Variants in TTI1 observed in about 807,000 individuals in gnomAD.
TTI1 encodes TELO2-interacting protein 1 homolog.
A neutral mutation model predicts 85.4 loss-of-function variants in TTI1; 52 were observed. The observed-to-expected ratio is 0.61, with a 90% CI of 0.49 to 0.77. The LOEUF (loss-of-function observed/expected upper bound fraction) is 0.77. Ranked by LOEUF, TTI1 falls within the 30% of genes least tolerant of loss-of-function variation. TTI1 has a pLI of 0.00. For synonymous variants in TTI1, 512 were observed against 503.9 expected (o/e 1.02, Z -0.22); for missense variants, 1,173 against 1,296.0 (o/e 0.91, Z 1.46).
Position 37,983,497 on chromosome 20 carries a change from A to C in TTI1, c.3229T>G (p.Tyr1077Asp). ...LHGASGQQNP[Y>D]TTNVLQLLKE... ...AGCAGCTGGAGCACGTTGGTCGTGT[A>C]GGGGTTCTGCTGCCCGCTGGCCCCG... The change falls in exon 8 of 8, where the codon TAC becomes GAC. Residue 1077 changes from tyrosine (Y) to aspartate (D), a missense_variant. Transcript: ENST00000373447. The C allele has an allele frequency of 6.2e-7, 1 of 1,611,900 alleles. No homozygotes were observed. Among genetic ancestry groups the C allele is most frequent in the Non-Finnish European group, 8.5e-7 (1 of 1,179,770 alleles).
rs1370914634 is a variant in TTI1, at chr20:38,013,275, A to G, written c.542T>C (p.Leu181Pro). ...GTCCTGACAATCACACTGCAAGAGTAGAACCTGTAAACATTTTAAGGCAGC... is the reference window on the plus strand; with the variant it reads ...GTCCTGACAATCACACTGCAAGAGTGGAACCTGTAAACATTTTAAGGCAGC... ...KIAALKCLQV[L>P]LLQCDCQDHP... The change falls in exon 2 of 8, where the codon CTA becomes CCA. Residue 181 changes from leucine to proline, a missense_variant. By Grantham distance (98) the Leu-to-Pro change is moderately conservative. Coordinates refer to ENST00000373447, the MANE Select transcript of TTI1 (RefSeq NM_001303457.2). 1.2e-6 allele frequency: 2 copies of G among 1,614,104 alleles called. No homozygotes were observed. The highest frequency in any genetic ancestry group is 1.1e-5 in the South Asian group (1 of 91,090).
At chr20:38,018,152 T>G (rs2073711146) in intron 1 of TTI1, among the ~76,000 whole-genome samples, 1 of 152,176 alleles carries the variant, frequency 6.6e-6, no homozygotes, top group Non-Finnish European at 1.5e-5. Context: ...GAAGCAGACC[T>G]ATGGATGGCC....
At chr20:38,014,218 G>C (rs2073648436) in intron 1 of TTI1, among the ~76,000 whole-genome samples, 1 of 152,168 alleles carries the variant, frequency 6.6e-6, no homozygotes. Flanking sequence ...CAGGAGTTTG[G>C]ATTTAAACCT....
At chr20:38,025,395 C>T (rs1406897494) in intron 1 of TTI1, among the ~76,000 whole-genome samples, 2 of 151,876 alleles carry the variant, frequency 1.3e-5, no homozygotes, top group South Asian at 2.1e-4. Context: ...ATGGTGAAAC[C>T]GTATCTCCAC....
chr20:38,000,192 T>C (rs999762226), intron 4 of TTI1, among the ~76,000 whole-genome samples: 2 of 152,138 alleles, frequency 1.3e-5, no homozygotes, highest in Admixed American at 1.3e-4. Context: ...GGGTAGCAAC[T>C]GAAGAGATGC....
rs1449093256 is a variant in TTI1 at position 37,983,444 on chromosome 20, G to A, written c.*12C>T. The stretch of plus-strand genomic sequence containing the variant: ...GGGAGGGATCGGTGGCCTCTGTGGT[G>A]GGGGAGCAGGGTCACTGCAGCTCCT... On this transcript the variant is annotated 3_prime_UTR_variant, in exon 8 of 8. Transcript: ENST00000373447. The A allele has an allele frequency of 1.9e-6, 3 of 1,607,744 alleles. No homozygotes were observed. In the Admixed American group the frequency reaches 5.0e-5, roughly 27 times the overall value.
At chr20:37,984,176 C>T (rs1011813586) in intron 7 of TTI1, among the ~76,000 whole-genome samples, 11 of 152,330 alleles carry the variant, frequency 7.2e-5, no homozygotes, top group Non-Finnish European at 1.5e-4. Context: ...GTGGTGTGAA[C>T]AGACACTCAT....
chr20:37,992,264 G>A lies in TTI1; in HGVS notation c.3086+4111C>T, dbSNP rs567028301. Among the ~76,000 whole-genome samples the A allele has an allele frequency of 2.6e-4, 39 of 152,190 alleles. 1 individual carries two copies. In the South Asian group the frequency reaches 7.9e-3, roughly 31 times the overall value. On this transcript the variant is annotated intron_variant, in intron 7 of 7. Transcript: ENST00000373447. Reference sequence around the variant, plus strand: ...ATTTTTCTATTATGAGACTTGTTGGGCACTGACTTCATCTTCTTCTTTTTT... The same window carrying A: ...ATTTTTCTATTATGAGACTTGTTGGACACTGACTTCATCTTCTTCTTTTTT...
rs1183248216 is a variant in TTI1 at position 38,013,463 on chromosome 20, C to G, written c.354G>C (p.Glu118Asp). 1 of 1,614,056 alleles carries G rather than the reference C, an allele frequency of 6.2e-7. No homozygotes were observed. Among genetic ancestry groups the G allele is most frequent in the Admixed American group, 1.7e-5 (1 of 60,030 alleles). The part of the protein sequence containing the change: ...SSQKPAAVSE[E>D]LKLAVIQGLS... ...GTCCCTGGATCACAGCCAATTTCAA[C>G]TCCTCGGACACAGCCGCAGGTTTTT... The change falls in exon 2 of 8, where the codon GAG (glutamate) becomes GAC (aspartate). Residue 118 changes from glutamate to aspartate, a missense_variant. Physicochemically the swap from Glu to Asp is conservative, Grantham distance 45. Transcript: ENST00000373447.
chr20:38,006,554 T>C (rs1439880177), intron 2 of TTI1, among the ~76,000 whole-genome samples, 157 bp from the exon 3 acceptor site: 1 of 152,186 alleles, frequency 6.6e-6, no homozygotes, highest in Non-Finnish European at 1.5e-5. Context: ...AACTCATCCT[T>C]TTCCAGTTCC....
chr20:38,020,323 A>AAAAAAAAATATATATATATATAT, intron 1 of TTI1, among the ~76,000 whole-genome samples: 2 of 50,384 alleles, frequency 4.0e-5, no homozygotes, highest in African/African-American at 1.8e-4. Context: ...AAAAAAAAAA[A>AAAAAAAAATATATATATATATAT]ATATATATAT....
At chr20:37,991,814 T>C (rs1274361206) in intron 7 of TTI1, among the ~76,000 whole-genome samples, 1 of 152,248 alleles carries the variant, frequency 6.6e-6, no homozygotes, top group Non-Finnish European at 1.5e-5. Context: ...GGCCCCTATC[T>C]TGTTCCCTCT....
intron 7 of TTI1, among the ~76,000 whole-genome samples, chr20:37,990,890 A>G (rs540412482): frequency 1.5e-4 from 23 of 152,212 alleles, no homozygotes; most frequent in Non-Finnish European, 2.8e-4. Flanking sequence ...GCAGGTTATC[A>G]GTGACATGAC....
chr20:38,027,448 CCCT>C (rs1201950893), intron 1 of TTI1, among the ~76,000 whole-genome samples: 3 of 151,946 alleles, frequency 2.0e-5, no homozygotes. Flanking sequence ...AGTGCCAACC[CCCT>C]CGAGCAGTCA....
chr20:38,002,044 G>T (rs1328549143), intron 4 of TTI1, among the ~76,000 whole-genome samples: 1 of 152,030 alleles, frequency 6.6e-6, no homozygotes, highest in Non-Finnish European at 1.5e-5. Context: ...CTCCTGCTTG[G>T]GGGTAGAGAG....
At chr20:38,021,366 T>C (rs892428318) in intron 1 of TTI1, among the ~76,000 whole-genome samples, 24 of 152,204 alleles carry the variant, frequency 1.6e-4, no homozygotes, top group African/African-American at 5.5e-4. Context: ...ACAGAAAGAA[T>C]TGTTTAGAGA....
chr20:38,018,220 G>C (rs934915566), intron 1 of TTI1, among the ~76,000 whole-genome samples: 2 of 152,050 alleles, frequency 1.3e-5, no homozygotes, highest in Non-Finnish European at 2.9e-5. Context: ...ATAAAGTCAA[G>C]AAACAGAGGA....
chr20:37,994,495 T>G (rs571558078), intron 7 of TTI1, among the ~76,000 whole-genome samples: 19 of 73,188 alleles, frequency 2.6e-4, no homozygotes, highest in Non-Finnish European at 4.1e-4. Flanking sequence ...CTCCATGCGG[T>G]AATGAGGCTC....
intron 7 of TTI1, chr20:37,987,172 C>T (rs1361690968): frequency 4.4e-6 from 2 of 456,614 alleles, no homozygotes; most frequent in South Asian, 1.5e-5. Flanking sequence ...GATCTGAGTC[C>T]TTAGCGCCAG....
Sources: allele counts gnomAD v4.1 joint callset (sites outside exome capture counted in the v4.1 genomes callset), GRCh38; gene constraint gnomAD v4.1.1; transcripts MANE v1.5; gene names NCBI Gene and HGNC (gene_info 2026-07-23, HGNC 2026-07-21).